MACROD2: variants seen among roughly 807,000 people sequenced by gnomAD.
The protein encoded by MACROD2 is mono-ADP ribosylhydrolase 2.
In MACROD2, 36 loss-of-function variants were observed where a neutral mutation model predicts 70.4. The ratio of observed to expected loss-of-function variants is 0.51; its 90% CI spans 0.39 to 0.68. The LOEUF is 0.68. Ranked by LOEUF, MACROD2 falls within the 30% of genes least tolerant of loss-of-function variation. The pLI is 0.00. For synonymous variants in MACROD2, 172 were observed against 178.8 expected (o/e 0.96, Z 0.30); for missense variants, 496 against 538.4 (o/e 0.92, Z 0.78).
chr20:15,771,641 A>G (rs777613572), intron 8 of MACROD2, among the ~76,000 whole-genome samples: 6 of 152,184 alleles, frequency 3.9e-5, no homozygotes, highest in East Asian at 1.9e-4. Flanking sequence ...ATGTAGATGT[A>G]TGTATGCATG....
intron 3 of MACROD2, among the ~76,000 whole-genome samples, chr20:14,357,015 C>G (rs1316212321): frequency 6.6e-6 from 1 of 152,204 alleles, no homozygotes; most frequent in African/African-American, 2.4e-5. Flanking sequence ...ATTTTTATAA[C>G]CTGTCCTCAG....
At chr20:15,622,937 C>T (rs1283474503) in intron 8 of MACROD2, among the ~76,000 whole-genome samples, 1 of 152,132 alleles carries the variant, frequency 6.6e-6, no homozygotes, top group African/African-American at 2.4e-5. Flanking sequence ...CAGTACTATC[C>T]TTAGTTTCAG....
intron 3 of MACROD2, among the ~76,000 whole-genome samples, chr20:14,260,620 G>C (rs1043497623): frequency 2.6e-5 from 4 of 152,168 alleles, no homozygotes; most frequent in Non-Finnish European, 5.9e-5. Flanking sequence ...TCCTTTTAAA[G>C]AGGCAATGTG....
intron 3 of MACROD2, among the ~76,000 whole-genome samples, chr20:14,386,022 G>A (rs2083464241): frequency 7.3e-6 from 1 of 137,586 alleles, no homozygotes; most frequent in Non-Finnish European, 1.6e-5. Context: ...AGCCAATACA[G>A]CGTATTTTTG....
intron 6 of MACROD2, among the ~76,000 whole-genome samples, chr20:15,410,027 T>G (rs2046055281): frequency 6.6e-6 from 1 of 152,240 alleles, no homozygotes; most frequent in African/African-American, 2.4e-5. Flanking sequence ...GATTTATTCC[T>G]CGTTTCCTTT....
intron 8 of MACROD2, among the ~76,000 whole-genome samples, chr20:15,741,517 T>G (rs1453136369): frequency 6.6e-6 from 1 of 152,074 alleles, no homozygotes; most frequent in Non-Finnish European, 1.5e-5. Context: ...TTCTGGCTGT[T>G]TTTACAGTAT....
chr20:14,348,286 TA>T (rs1393662531), intron 3 of MACROD2, among the ~76,000 whole-genome samples: 14 of 129,726 alleles, frequency 1.1e-4, no homozygotes, highest in African/African-American at 3.7e-4. Flanking sequence ...AAAAAATAAA[TA>T]AAATAAAGAA....
intron 5 of MACROD2, among the ~76,000 whole-genome samples, chr20:14,691,426 A>G (rs796713976): frequency 1.3e-4 from 20 of 152,330 alleles, no homozygotes; most frequent in African/African-American, 4.8e-4. Context: ...TCTTTCAAAT[A>G]ATAAGGCCAC....
chr20:15,173,141 T>C (rs2076435416), intron 5 of MACROD2, among the ~76,000 whole-genome samples: 1 of 149,068 alleles, frequency 6.7e-6, no homozygotes, highest in Non-Finnish European at 1.5e-5. Flanking sequence ...AAATAATAAA[T>C]CTATGAAAAT....
intron 2 of MACROD2, among the ~76,000 whole-genome samples, chr20:14,033,085 CTT>C (rs11480685): frequency 4.8e-4 from 64 of 132,602 alleles, no homozygotes; most frequent in Middle Eastern, 4.1e-3. Context: ...CTTGGTTTTT[CTT>C]TTTTTTTTTT....
At chr20:15,645,994 A>G (rs455509) in intron 8 of MACROD2, among the ~76,000 whole-genome samples, 2 of 151,892 alleles carry the variant, frequency 1.3e-5, no homozygotes, top group South Asian at 2.1e-4. Flanking sequence ...CAAAAGAATG[A>G]CTGGTATTCT....
chr20:15,400,241 T>C (rs1428961195), intron 6 of MACROD2, among the ~76,000 whole-genome samples: 8 of 152,280 alleles, frequency 5.3e-5, no homozygotes, highest in Non-Finnish European at 1.2e-4. Context: ...GCTGAGTTAG[T>C]GTGGCAGCTG....
At chr20:15,800,700 C>A (rs985560262) in intron 8 of MACROD2, among the ~76,000 whole-genome samples, 1 of 151,966 alleles carries the variant, frequency 6.6e-6, no homozygotes, top group African/African-American at 2.4e-5. Context: ...CTCAACAGCT[C>A]ATTGAGAACA....
chr20:15,094,365 C>T (rs1052313754), intron 5 of MACROD2, among the ~76,000 whole-genome samples: 1 of 152,068 alleles, frequency 6.6e-6, no homozygotes, highest in South Asian at 2.1e-4. Flanking sequence ...CTATTATGAG[C>T]ATGCATTTCC....
intron 5 of MACROD2, among the ~76,000 whole-genome samples, chr20:14,765,444 G>A (rs1467592262): frequency 1.3e-5 from 2 of 151,876 alleles, no homozygotes; most frequent in African/African-American, 2.4e-5. Flanking sequence ...TGTTGAAAAC[G>A]AAGCATTAGA....
intron 3 of MACROD2, among the ~76,000 whole-genome samples, chr20:14,358,322 A>G (rs2083191464): frequency 6.6e-6 from 1 of 152,222 alleles, no homozygotes; most frequent in Non-Finnish European, 1.5e-5. Flanking sequence ...ATAAAATGGC[A>G]GATTTGGGGC....
At chr20:14,163,638 CTTTG>C (rs1173348283) in intron 3 of MACROD2, among the ~76,000 whole-genome samples, 2 of 151,514 alleles carry the variant, frequency 1.3e-5, no homozygotes, top group Non-Finnish European at 2.9e-5. Flanking sequence ...TTTGCTCATT[CTTTG>C]TTTTTCTTTT....
chr20:15,796,138 T>C (rs542619200), intron 8 of MACROD2, among the ~76,000 whole-genome samples: 5 of 152,308 alleles, frequency 3.3e-5, no homozygotes, highest in African/African-American at 1.2e-4. Context: ...CAGGTATTAA[T>C]GGAAGGAGAT....
chr20:14,347,812 T>A (rs2083079236), intron 3 of MACROD2, among the ~76,000 whole-genome samples: 1 of 152,138 alleles, frequency 6.6e-6, no homozygotes, highest in African/African-American at 2.4e-5. Context: ...ATATGGGACA[T>A]GGGGCCAACA....
Sources: allele counts gnomAD v4.1 joint callset (sites outside exome capture counted in the v4.1 genomes callset), GRCh38; gene constraint gnomAD v4.1.1; transcripts MANE v1.5; gene names NCBI Gene and HGNC (gene_info 2026-07-23, HGNC 2026-07-21).